Variants in FBXO27 observed in about 807,000 individuals in gnomAD.
FBXO27 encodes F-box protein 27, also known as F-box only protein 27.
In FBXO27, 28 loss-of-function variants were observed where a neutral mutation model predicts 28.3. The ratio of observed to expected loss-of-function variants is 0.99; its 90% CI spans 0.73 to 1.36. The LOEUF (loss-of-function observed/expected upper bound fraction) is 1.36. Among genes scored for constraint, FBXO27 ranks in the 40% most tolerant of loss-of-function variants. The probability of loss-of-function intolerance (pLI) is 0.00; values close to 1 mark genes in which losing one functional copy is unlikely to be tolerated. For synonymous variants in FBXO27, 175 were observed against 167.3 expected (o/e 1.05, Z -0.36); for missense variants, 388 against 394.1 (o/e 0.98, Z 0.13).
At chr19:39,016,452 C>T (rs113002288) in intron 1 of FBXO27, among the ~76,000 whole-genome samples, 124 of 151,692 alleles carry the variant, frequency 8.2e-4, no homozygotes, top group African/African-American at 2.8e-3. Context: ...CCTAAAACTG[C>T]TCTAAAAATA....
At chr19:39,017,667 A>AG (rs1190307460) in intron 1 of FBXO27, among the ~76,000 whole-genome samples, 4 of 151,928 alleles carry the variant, frequency 2.6e-5, no homozygotes, top group Non-Finnish European at 5.9e-5. Context: ...TGTCTCAAAA[A>AG]AAAAAAAAAT....
At chr19:39,011,704 G>T (rs1003604502) in intron 2 of FBXO27, among the ~76,000 whole-genome samples, 4 of 145,714 alleles carry the variant, frequency 2.7e-5, no homozygotes, top group East Asian at 4.1e-4. Context: ...GGGGGAGGGG[G>T]GGTCTCCCTT....
At position 39,026,978 on chromosome 19, in the gene FBXO27, A is replaced by G; in HGVS notation, c.600T>C (p.Cys200=). ...DWWGARHDSG[C]MYRLLVQLLD... is the part of the protein sequence containing the mutation. ...GAAGTTGGACGAGGAGTCTGTACAT[A>G]CAGCCGCTGTCGTGTCGGGCTCCCC... is the stretch of plus-strand genomic sequence containing the variant. Residue 200 remains cysteine (C), a synonymous_variant, in exon 5 of 6, where the codon TGT becomes TGC. Transcript: ENST00000292853. 1 of 1,614,194 alleles carries G rather than the reference A, an allele frequency of 6.2e-7. No individual in the cohort carries two copies. Among genetic ancestry groups the G allele is most frequent in the South Asian group, 1.1e-5 (1 of 91,088 alleles).
intron 4 of FBXO27, among the ~76,000 whole-genome samples, chr19:39,028,812 G>A (rs1407076076): frequency 6.6e-6 from 1 of 151,712 alleles, no homozygotes; most frequent in Non-Finnish European, 1.5e-5. Context: ...GCAGTGAGCT[G>A]AGATTGTGCC....
chr19:39,009,102 G>A (rs772787364), intron 2 of FBXO27, among the ~76,000 whole-genome samples: 2 of 152,222 alleles, frequency 1.3e-5, no homozygotes, highest in African/African-American at 4.8e-5. Context: ...GATTACAGGC[G>A]TGAGCCTCCA....
In FBXO27 at chr19:39,025,230, G is replaced by A; in HGVS notation, c.*181C>T. The A allele has an allele frequency of 1.3e-6, 1 of 766,780 alleles. No individual in the cohort carries two copies. The highest frequency in any genetic ancestry group is 2.0e-6 in the Non-Finnish European group (1 of 496,030). The allele number at this position is 766,780 out of a possible 1,614,324, so 47.5% of individuals were successfully genotyped here. A position where few individuals can be genotyped will look rare whatever the true frequency, so the allele number is the denominator to read the frequency against. ...GCAGTAGGTAGATAAGATGGAAGAA[G>A]CTTCTTCTGGTAGTTTCTAGAACCT... On this transcript the variant is annotated 3_prime_UTR_variant, in exon 6 of 6. Coordinates refer to ENST00000292853, the MANE Select transcript of FBXO27 (RefSeq NM_178820.5).
At chr19:39,012,981 AAACG>A (rs139368151) in intron 2 of FBXO27, among the ~76,000 whole-genome samples, 59,937 of 150,682 alleles carry the variant, frequency 0.4, 12,035 homozygotes, top group Middle Eastern at 0.47. Context: ...ACAAACAAAC[AAACG>A]AACAAACAAA....
At chr19:39,011,704 G>GT (rs2072795276) in intron 2 of FBXO27, among the ~76,000 whole-genome samples, 18 of 145,606 alleles carry the variant, frequency 1.2e-4, no homozygotes, top group Non-Finnish European at 2.4e-4. Flanking sequence ...GGGGGAGGGG[G>GT]GGTCTCCCTT....
chr19:39,009,068 C>T (rs544952436), intron 2 of FBXO27, among the ~76,000 whole-genome samples: 127 of 152,288 alleles, frequency 8.3e-4, no homozygotes, highest in African/African-American at 2.7e-3. Flanking sequence ...GTGATCTGCC[C>T]GCCTTGGCCT....
intron 2 of FBXO27, among the ~76,000 whole-genome samples, chr19:39,010,574 G>A (rs918159505): frequency 1.3e-5 from 2 of 152,146 alleles, no homozygotes; most frequent in Non-Finnish European, 2.9e-5. Flanking sequence ...TGAGCTTTCC[G>A]TAAGACACGC....
chr19:39,025,329 T>G lies in FBXO27; in HGVS notation c.*82A>C. On this transcript the variant is annotated 3_prime_UTR_variant, in exon 6 of 6. Transcript: ENST00000292853. ...ATGCCAGGGAGGTACAAGTGCTTGGTTGGTTAATGAGGGGTCCCAGCCAAT... is the reference window on the plus strand; with the variant it reads ...ATGCCAGGGAGGTACAAGTGCTTGGGTGGTTAATGAGGGGTCCCAGCCAAT... The G allele has an allele frequency of 1.3e-6, 2 of 1,501,430 alleles. No individual in the cohort carries two copies. Among genetic ancestry groups the G allele is most frequent in the Non-Finnish European group, 1.8e-6 (2 of 1,115,670 alleles). The allele number at this position is 1,501,430 out of a possible 1,614,324, so 93.0% of individuals were successfully genotyped here. A position where few individuals can be genotyped will look rare whatever the true frequency, so the allele number is the denominator to read the frequency against.
chr19:39,030,954 T>G, intron 4 of FBXO27, 75 bp downstream of exon 4: 3 of 1,287,942 alleles, frequency 2.3e-6, no homozygotes, highest in Non-Finnish European at 3.4e-6. Flanking sequence ...GAGGCCTAAA[T>G]TAAGTCACCC....
Position 39,015,405 on chromosome 19 carries a change from C to T in FBXO27, c.92-858G>A, listed in dbSNP as rs375652893. On this transcript the variant is annotated intron_variant, in intron 1 of 2. Transcript: ENST00000598394. ...CAGCACTTTGGGAGGCCAAGGCGGG[C>T]GGATTGCTTGAGCCCAAGTGTTTGA... Among the ~76,000 whole-genome samples the T allele has an allele frequency of 8.6e-4, 117 of 135,724 alleles. 5 individuals are homozygous for T. The East Asian group carries it at 0.017, about 20-fold the overall frequency. 89.0% of individuals were successfully genotyped at this position (135,724 alleles called of 152,430 possible).
Position 39,031,196 on chromosome 19 carries a change from C to G in FBXO27, c.476+13G>C. The G allele has an allele frequency of 6.2e-7, 1 of 1,613,896 alleles. No individual in the cohort carries two copies. Among genetic ancestry groups the G allele is most frequent in the Non-Finnish European group, 8.5e-7 (1 of 1,179,770 alleles). On this transcript the variant is annotated intron_variant, in intron 3 of 5. Coordinates refer to ENST00000292853, the MANE Select transcript of FBXO27 (RefSeq NM_178820.5). ...AACAAGGGGCCGGACCTTTGGATAG[C>G]AGGGGCATTCACCTGAATGAAGTCA...
In FBXO27 at chr19:39,025,432, G is replaced by A. The variant is rs1020876736; in HGVS notation, c.831C>T (p.Ile277=). The A allele has an allele frequency of 1.9e-6, 3 of 1,613,802 alleles. No homozygotes were observed. Among genetic ancestry groups the A allele is most frequent in the African/African-American group, 1.3e-5 (1 of 74,934 alleles). The part of the protein sequence containing the change: ...YGARVTNSSV[I]VRVRLS The stretch of plus-strand genomic sequence containing the variant: ...TGGACTAGGACAGACGGACTCGCAC[G>A]ATCACACTGGAGTTGGTCACACGGG... Residue 277 remains isoleucine, a synonymous_variant, in exon 6 of 6, where the codon ATC becomes ATT. Coordinates refer to ENST00000292853, the MANE Select transcript of FBXO27 (RefSeq NM_178820.5).
At chr19:39,016,244 G>A (rs2873836) in intron 1 of FBXO27, among the ~76,000 whole-genome samples, 102,321 of 151,914 alleles carry the variant, frequency 0.67, 35,071 homozygotes, top group East Asian at 0.84. Context: ...GAGAATGCAC[G>A]ACACCAAGTG....
At chr19:39,013,809 C>T (rs991283497) in intron 2 of FBXO27, among the ~76,000 whole-genome samples, 18 of 151,716 alleles carry the variant, frequency 1.2e-4, no homozygotes, top group Non-Finnish European at 2.2e-4. Context: ...GTCAGGAGAT[C>T]GAGACCATCC....
intron 4 of FBXO27, among the ~76,000 whole-genome samples, chr19:39,030,105 G>GTGCTGGGA (rs1021821308): frequency 5.9e-5 from 9 of 152,220 alleles, no homozygotes; most frequent in African/African-American, 2.2e-4. Context: ...GCCTCCCAGA[G>GTGCTGGGA]TGCTGGGATT....
intron 4 of FBXO27, chr19:39,030,510 T>C (rs1477691858): frequency 6.2e-6 from 1 of 160,250 alleles, no homozygotes; most frequent in African/African-American, 2.4e-5. Flanking sequence ...TCTCATCTTC[T>C]GTCTTCCAAT....
Sources: gnomAD v4.1 joint callset for allele counts (sites outside exome capture counted in the v4.1 genomes callset) on GRCh38, gnomAD v4.1.1 for gene constraint, MANE v1.5 for transcripts, NCBI Gene and HGNC (gene_info 2026-07-23, HGNC 2026-07-21) for gene names.